Variants in TTK observed in about 807,000 individuals in gnomAD.
TTK encodes TTK protein kinase.
Under a neutral mutation model 117.3 loss-of-function variants are expected in TTK, and 59 were observed. The ratio of observed to expected loss-of-function variants is 0.50; its 90% CI spans 0.41 to 0.62. TTK has a LOEUF of 0.62. Ranked by LOEUF, TTK falls within the 20% of genes least tolerant of loss-of-function variation. The pLI is 0.00. For missense variants in TTK, 921 were observed against 989.4 expected (o/e 0.93, Z 0.93); for synonymous variants, 302 against 325.0 (o/e 0.93, Z 0.76).
chr6:80,020,765 T>A (rs780345625), intron 10 of TTK, among the ~76,000 whole-genome samples: 6 of 152,246 alleles, frequency 3.9e-5, no homozygotes, highest in Non-Finnish European at 8.8e-5. Flanking sequence ...GGAAACCATT[T>A]CTTCCCTAGC....
chr6:80,035,723 G>A (rs192825120), intron 16 of TTK, among the ~76,000 whole-genome samples: 2 of 152,190 alleles, frequency 1.3e-5, no homozygotes, highest in African/African-American at 2.4e-5. Context: ...AGACTTTGGG[G>A]TTCAGGCATC....
At position 80,009,076 on chromosome 6, in the gene TTK, A is replaced by G. The variant is rs142095789; in HGVS notation, c.469+584A>G. ...GATTTTTTTGGGTAGGACCAAGACAATCTCTTCCTAAGACATTTTTAACCT... is the reference window on the plus strand; with the variant it reads ...GATTTTTTTGGGTAGGACCAAGACAGTCTCTTCCTAAGACATTTTTAACCT... On this transcript the variant is annotated intron_variant, in intron 4 of 21. Transcript: ENST00000369798. Among the ~76,000 whole-genome samples, 1,068 of 151,912 alleles carry G rather than the reference A, an allele frequency of 7.0e-3. 8 individuals are homozygous for G. Among genetic ancestry groups the G allele is most frequent in the Non-Finnish European group, 0.012 (802 of 67,898 alleles).
At chr6:80,020,327 T>C (rs1256474229) in intron 10 of TTK, among the ~76,000 whole-genome samples, 2 of 152,198 alleles carry the variant, frequency 1.3e-5, no homozygotes, top group Non-Finnish European at 2.9e-5. Flanking sequence ...TTTTTCCCCT[T>C]TTTTCTTCAG....
At chr6:80,021,752 C>T (rs1049179041) in intron 10 of TTK, among the ~76,000 whole-genome samples, 1 of 152,026 alleles carries the variant, frequency 6.6e-6, no homozygotes, top group Admixed American at 6.6e-5. Context: ...GCTAACTGTT[C>T]GAAACTCCCC....
Position 80,014,652 on chromosome 6 carries a change from G to A in TTK, c.1108+66G>A, listed in dbSNP as rs376853575. ...GAAAACCACTTGATAGCTTAAGAAA[G>A]CAGACTAGCCACCTAAGAATTATGA... On this transcript the variant is annotated intron_variant, in intron 10 of 21. Coordinates refer to ENST00000369798, the MANE Select transcript of TTK (RefSeq NM_003318.5). 12 of 1,449,450 alleles carry A rather than the reference G, an allele frequency of 8.3e-6. No homozygotes were observed. The East Asian group carries it at 1.2e-4, about 14-fold the overall frequency. 89.8% of individuals were successfully genotyped at this position (1,449,450 alleles called of 1,614,324 possible). A position where few individuals can be genotyped will look rare whatever the true frequency, so the allele number is the denominator to read the frequency against.
chr6:80,023,686 A>G (rs1767527532), intron 11 of TTK, among the ~76,000 whole-genome samples: 1 of 152,252 alleles, frequency 6.6e-6, no homozygotes, highest in Non-Finnish European at 1.5e-5. Flanking sequence ...CAAAATAACT[A>G]CAGTGGGAAG....
At chr6:80,012,337 A>G (rs921426271) in intron 8 of TTK, among the ~76,000 whole-genome samples, 5 of 151,992 alleles carry the variant, frequency 3.3e-5, no homozygotes, top group African/African-American at 9.7e-5. Context: ...AGGTCTGGGA[A>G]CAAATATTTG....
intron 13 of TTK, among the ~76,000 whole-genome samples, chr6:80,029,265 T>C (rs1767691859): frequency 6.6e-6 from 1 of 152,172 alleles, no homozygotes; most frequent in Non-Finnish European, 1.5e-5. Context: ...CATCACATAC[T>C]GAATGTACTT....
intron 13 of TTK, among the ~76,000 whole-genome samples, chr6:80,029,884 G>A (rs1283607924): frequency 1.3e-5 from 2 of 152,182 alleles, no homozygotes; most frequent in African/African-American, 4.8e-5. Context: ...GTCAGCAGCC[G>A]TGGAGAAAGG....
intron 14 of TTK, among the ~76,000 whole-genome samples, chr6:80,031,763 T>G (rs916762804): frequency 3.3e-5 from 5 of 152,180 alleles, no homozygotes; most frequent in African/African-American, 1.2e-4. Context: ...ATTCCCAGTC[T>G]TCTGCCTTTC....
chr6:80,022,374 T>C lies in TTK; in HGVS notation c.1159T>C (p.Trp387Arg). 1.2e-6 allele frequency: 2 copies of C among 1,613,984 alleles called. No homozygotes were observed. Among genetic ancestry groups the C allele is most frequent in the Non-Finnish European group, 1.7e-6 (2 of 1,179,966 alleles). Residue 387 changes from tryptophan to arginine, a missense_variant, in exon 11 of 22, where the codon TGG becomes CGG. Physicochemically the swap from Trp to Arg is moderately radical, Grantham distance 101. Transcript: ENST00000369798. ...GGTTCCAGAGAGTAACCAGAAACAG[T>C]GGCAATCTAAGAGAAAGTCAGAGTG... ...PEVPESNQKQ[W>R]QSKRKSECIN...
At chr6:80,017,651 A>G (rs1385152801) in intron 10 of TTK, among the ~76,000 whole-genome samples, 1 of 152,172 alleles carries the variant, frequency 6.6e-6, no homozygotes, top group Non-Finnish European at 1.5e-5. Context: ...TTGAAAATTC[A>G]CGACTATTTT....
At position 80,039,815 on chromosome 6, in the gene TTK, TA is replaced by T; in HGVS notation, c.2252del (p.Asn751IlefsTer18). 6.3e-7 allele frequency: 1 copy of T among 1,588,092 alleles called. No individual in the cohort carries two copies. On this transcript the variant is annotated frameshift_variant, in exon 19 of 22. Transcript: ENST00000369798. LOFTEE classifies it high-confidence loss of function. The part of the protein sequence containing the change: ...ISKLHAIIDP[N>X]HEIEFPDIPE... Reference sequence around the variant, plus strand: ...CTAAATTACATGCCATAATTGATCCTAATCATGAAATTGAATTTCCCGATAT... The same window carrying T: ...CTAAATTACATGCCATAATTGATCCTATCATGAAATTGAATTTCCCGATAT...
chr6:80,008,442 A>C lies in TTK; in HGVS notation c.419A>C (p.Lys140Thr). The C allele has an allele frequency of 6.2e-7, 1 of 1,612,548 alleles. No homozygotes were observed. The highest frequency in any genetic ancestry group is 1.3e-5 in the African/African-American group (1 of 75,004). Residue 140 changes from lysine (K) to threonine (T), a missense_variant, in exon 4 of 22, where the codon AAG (lysine) becomes ACG (threonine). Transcript: ENST00000369798. ...TTTCAAATGGCCAGAGCAAACTGCA[A>C]GAAATTTGCTTTTGTTCATATATCT... is the stretch of plus-strand genomic sequence containing the variant. ...DYFQMARANC[K>T]KFAFVHISFA... is the part of the protein sequence containing the mutation.
At position 80,010,811 on chromosome 6, in the gene TTK, T is replaced by A. The variant is rs1582088637; in HGVS notation, c.470-3T>A. On this transcript the variant is annotated splice_region_variant and splice_polypyrimidine_tract_variant and intron_variant, in intron 4 of 21. Transcript: ENST00000369798. ...AAATGACAATTATCTTTTGCTTTGT[T>A]AGGTAATGTCAAAAAAAGTAAACAA... 1.2e-6 allele frequency: 2 copies of A among 1,605,292 alleles called. No homozygotes were observed. The highest frequency in any genetic ancestry group is 2.7e-5 in the African/African-American group (2 of 74,684).
chr6:80,036,371 C>T, intron 16 of TTK, 104 bp from the exon 17 acceptor site: 1 of 1,321,080 alleles, frequency 7.6e-7, no homozygotes, highest in East Asian at 2.4e-5. Context: ...GAATTGGGTT[C>T]ACTAATTGAA....
intron 13 of TTK, among the ~76,000 whole-genome samples, chr6:80,028,932 G>A (rs924542969): frequency 1.2e-4 from 18 of 151,948 alleles, no homozygotes; most frequent in African/African-American, 4.4e-4. Context: ...TAAATTTTCG[G>A]TGCCCATTTC....
intron 14 of TTK, 45 bp from the exon 15 acceptor site, chr6:80,034,940 T>C: frequency 1.5e-6 from 2 of 1,353,438 alleles, no homozygotes; most frequent in Non-Finnish European, 1.9e-6. Context: ...TGTGTGATAG[T>C]GTATAAATAG....
At chr6:80,041,689 T>A (rs1012139711) in intron 21 of TTK, among the ~76,000 whole-genome samples, 5 of 151,010 alleles carry the variant, frequency 3.3e-5, no homozygotes, top group African/African-American at 7.3e-5. Context: ...TACATGGATT[T>A]TAATATATAT....
Sources: allele counts gnomAD v4.1 joint callset (sites outside exome capture counted in the v4.1 genomes callset), GRCh38; gene constraint gnomAD v4.1.1; transcripts MANE v1.5; gene names NCBI Gene and HGNC (gene_info 2026-07-23, HGNC 2026-07-21).